Variants in AKT1 observed in about 807,000 individuals in gnomAD.
The protein encoded by AKT1 is AKT serine/threonine kinase 1.
A neutral mutation model predicts 63.1 loss-of-function variants in AKT1; 21 were observed. That is an observed-to-expected ratio of 0.33 (90% CI 0.24 to 0.48). AKT1 has a LOEUF of 0.48. Ranked by LOEUF, AKT1 falls within the 20% of genes least tolerant of loss-of-function variation. The pLI is 0.99. For synonymous variants in AKT1, 257 were observed against 253.1 expected, an observed-to-expected ratio of 1.02 and a Z score of -0.15; for missense variants, 382 against 666.0, an observed-to-expected ratio of 0.57 and a Z score of 4.69.
Position 104,775,693 on chromosome 14 carries a change from C to T in AKT1, c.394G>A (p.Glu132Lys), listed in dbSNP as rs1319030326. The change falls in exon 6 of 15, where the codon GAA becomes AAA. Residue 132 changes from glutamate to lysine, a missense_variant. Transcript: ENST00000649815. ...SGSPSDNSGAEEMEVSLAKPK... is the reference protein window; with the variant it reads ...SGSPSDNSGAKEMEVSLAKPK... ...TTGGCCAGGGACACCTCCATCTCTT[C>T]AGCCCCTGAGTTGTCACTGGGTGAG... 2.5e-6 allele frequency: 4 copies of T among 1,613,992 alleles called. No individual in the cohort carries two copies. Among genetic ancestry groups the T allele is most frequent in the Non-Finnish European group, 3.4e-6 (4 of 1,180,012 alleles).
At chr14:104,787,070 G>A (rs1304229295) in intron 3 of AKT1, among the ~76,000 whole-genome samples, 1 of 152,084 alleles carries the variant, frequency 6.6e-6, no homozygotes, top group Non-Finnish European at 1.5e-5. Context: ...GGGGGTGTGT[G>A]AGCCCAAACA....
chr14:104,782,162 G>A lies in AKT1; in HGVS notation c.47-1946C>T, dbSNP rs1035074591. On this transcript the variant is annotated intron_variant, in intron 3 of 14. Transcript: ENST00000649815. Reference sequence around the variant, plus strand: ...AGTGAGAGCAGAGCAGGCTCAGGGGGCTGCATGCAGCCCACCCCACCCGTC... The same window carrying A: ...AGTGAGAGCAGAGCAGGCTCAGGGGACTGCATGCAGCCCACCCCACCCGTC... 3.3e-5 allele frequency among the ~76,000 whole-genome samples: 5 copies of A among 151,948 alleles called. No individual in the cohort carries two copies. The South Asian group carries it at 1.0e-3, about 32-fold the overall frequency.
At chr14:104,789,884 C>T (rs1036851742) in intron 3 of AKT1, among the ~76,000 whole-genome samples, 3 of 152,230 alleles carry the variant, frequency 2.0e-5, no homozygotes, top group Admixed American at 6.5e-5. Flanking sequence ...CACAGGCCTG[C>T]AGCCGGAACT....
intron 3 of AKT1, among the ~76,000 whole-genome samples, chr14:104,792,330 G>T (rs1893668917): frequency 6.6e-6 from 1 of 152,170 alleles, no homozygotes; most frequent in African/African-American, 2.4e-5. Flanking sequence ...GAGAGAGGCT[G>T]GCAGCAGCTC....
At position 104,774,994 on chromosome 14, in the gene AKT1, C is replaced by G; in HGVS notation, c.577G>C (p.Ala193Pro). 1 of 1,613,080 alleles carries G rather than the reference C, an allele frequency of 6.2e-7. No individual in the cohort carries two copies. The highest frequency in any genetic ancestry group is 8.5e-7 in the Non-Finnish European group (1 of 1,179,784). Reference protein sequence around the residue: ...KEVIVAKDEVAHTLTENRVLQ... With the variant: ...KEVIVAKDEVPHTLTENRVLQ... ...ACGCGGTTCTCGGTGAGTGTGTGGGCCACCTCGTCCTGTAAAGCAGGGCTG... is the reference window on the plus strand; with the variant it reads ...ACGCGGTTCTCGGTGAGTGTGTGGGGCACCTCGTCCTGTAAAGCAGGGCTG... Residue 193 changes from alanine to proline, a missense_variant, in exon 8 of 15, where the codon GCC becomes CCC. This residue lies in a region of AKT1 where 226 missense variants were observed against 366.4 expected (regional missense o/e 0.62). Transcript: ENST00000649815.
At chr14:104,770,540 A>C in intron 14 of AKT1, 120 bp from the exon 15 acceptor site, 3 of 1,101,266 alleles carry the variant, frequency 2.7e-6, no homozygotes, top group Admixed American at 2.4e-5. Context: ...TACTGCCAGG[A>C]AACTGAGACA....
At chr14:104,792,845 T>C in intron 2 of AKT1, 123 bp from the exon 3 acceptor site, 1 of 637,948 alleles carries the variant, frequency 1.6e-6, no homozygotes, top group Non-Finnish European at 2.8e-6. Flanking sequence ...CCTTCCCAGG[T>C]GGGCTGCCAT....
rs778971606 is a variant in AKT1 at position 104,775,019 on chromosome 14, G to C, written c.568-16C>G. 5 of 1,613,118 alleles carry C rather than the reference G, an allele frequency of 3.1e-6. No individual in the cohort carries two copies. The highest frequency in any genetic ancestry group is 4.5e-5 in the East Asian group (2 of 44,858). ...CCACCTCGTCCTGTAAAGCAGGGCTGGGTGAGCTGCCACCCCGCACCCTCA... is the reference window on the plus strand; with the variant it reads ...CCACCTCGTCCTGTAAAGCAGGGCTCGGTGAGCTGCCACCCCGCACCCTCA... On this transcript the variant is annotated splice_polypyrimidine_tract_variant and intron_variant, in intron 7 of 14. Transcript: ENST00000649815.
At chr14:104,791,840 G>A (rs1474260021) in intron 3 of AKT1, among the ~76,000 whole-genome samples, 2 of 152,252 alleles carry the variant, frequency 1.3e-5, no homozygotes, top group African/African-American at 4.8e-5. Flanking sequence ...TGGGGCAGAA[G>A]AGAGTGACTT....
intron 13 of AKT1, 53 bp downstream of exon 13, chr14:104,772,312 T>C (rs1051531566): frequency 2.4e-5 from 38 of 1,579,238 alleles, no homozygotes; most frequent in Non-Finnish European, 3.2e-5. Context: ...CATGCGTGAG[T>C]GTGGATATGT....
chr14:104,789,537 C>T (rs1218971388), intron 3 of AKT1, among the ~76,000 whole-genome samples: 4 of 152,250 alleles, frequency 2.6e-5, no homozygotes, highest in African/African-American at 4.8e-5. Context: ...GGCTGGAGGC[C>T]GAGTTCAGCC....
chr14:104,772,275 T>TGGGAAATCTGGCGAGCGTGC, intron 13 of AKT1, 90 bp downstream of exon 13: 1 of 1,399,596 alleles, frequency 7.1e-7, no homozygotes, highest in Non-Finnish European at 1.0e-6. Flanking sequence ...GGCGAGTGTG[T>TGGGAAATCTGGCGAGCGTGC]GGGAAATCTG....
rs935499315 is a variant in AKT1 at position 104,775,413 on chromosome 14, AG to A, written c.436-207del. Reference sequence around the variant, plus strand: ...GGCCCCAGCTCAGAGCATGGGGTTCAGGGAAGGGTGGGGTAACATTGCCCAA... The same window carrying A: ...GGCCCCAGCTCAGAGCATGGGGTTCAGGAAGGGTGGGGTAACATTGCCCAA... On this transcript the variant is annotated intron_variant, in intron 6 of 14. Coordinates refer to ENST00000649815, the MANE Select transcript of AKT1 (RefSeq NM_001382430.1). 6.2e-6 allele frequency: 7 copies of A among 1,130,000 alleles called. No homozygotes were observed. The African/African-American group carries it at 9.5e-5, about 15-fold the overall frequency. 70.0% of individuals were successfully genotyped at this position (1,130,000 alleles called of 1,614,324 possible).
chr14:104,793,448 T>A, intron 1 of AKT1, 144 bp from the exon 2 acceptor site: 1 of 201,158 alleles, frequency 5.0e-6, no homozygotes, highest in Admixed American at 6.0e-5. Flanking sequence ...ACAGCGCCCC[T>A]GCCGGTCTGA....
In AKT1 at chr14:104,773,399, A is replaced by G; in HGVS notation, c.829-20T>C. 6.2e-7 allele frequency: 1 copy of G among 1,614,130 alleles called. No homozygotes were observed. The highest frequency in any genetic ancestry group is 8.5e-7 in the Non-Finnish European group (1 of 1,179,972). On this transcript the variant is annotated intron_variant, in intron 10 of 14. Transcript: ENST00000649815. ...CTCCAGCTAGGGGAAAGGTGGCCTC[A>G]GGTCAGTGCCGCCAGGCCCCCAGGG...
chr14:104,770,615 C>A, intron 14 of AKT1, 130 bp downstream of exon 14: 1 of 991,842 alleles, frequency 1.0e-6, no homozygotes, highest in Non-Finnish European at 1.5e-6. Context: ...TGATCATTGG[C>A]ACTCTCCAAA....
chr14:104,770,444 C>T, intron 14 of AKT1, 24 bp from the exon 15 acceptor site: 2 of 1,551,194 alleles, frequency 1.3e-6, no homozygotes, highest in Non-Finnish European at 1.7e-6. Context: ...CAGCTCAGAC[C>T]CCGGTGCCCC....
intron 4 of AKT1, chr14:104,777,042 AC>A (rs756848122): frequency 1.2e-5 from 5 of 429,302 alleles, no homozygotes; most frequent in Non-Finnish European, 2.1e-5. Flanking sequence ...GTCCACTCCT[AC>A]AGTCCTTCCT....
chr14:104,773,640 A>G (rs1892532985), intron 9 of AKT1, 60 bp from the exon 10 acceptor site: 2 of 1,554,578 alleles, frequency 1.3e-6, no homozygotes, highest in Admixed American at 1.9e-5. Flanking sequence ...CATGGCCTGC[A>G]GGGCTGGGGT....
Sources: gnomAD v4.1 joint callset for allele counts (sites outside exome capture counted in the v4.1 genomes callset) on GRCh38, gnomAD v4.1.1 for gene constraint, gnomAD v4.1.1 regional missense constraint, MANE v1.5 for transcripts, NCBI Gene and HGNC (gene_info 2026-07-23, HGNC 2026-07-21) for gene names.